Variants in TMEM163 observed in about 807,000 individuals in gnomAD.
TMEM163 encodes transmembrane protein 163.
TMEM163 carries 17 observed loss-of-function variants against 29.3 expected under a neutral mutation model. The observed-to-expected ratio is 0.58, with a 90% confidence interval of 0.40 to 0.87. TMEM163 has a LOEUF of 0.87. TMEM163 is among the 40% of genes least tolerant of loss of function. The pLI, the probability that TMEM163 is intolerant of heterozygous loss-of-function variation, is 0.00. For missense variants in TMEM163, 303 were observed against 381.5 expected, an observed-to-expected ratio of 0.79 and a Z score of 1.71; for synonymous variants, 157 against 160.6, an observed-to-expected ratio of 0.98 and a Z score of 0.17.
chr2:134,592,869 G>GAGATAGATAGATAGATAGATAGATAGAT (rs55925415), intron 2 of TMEM163, among the ~76,000 whole-genome samples: 2,930 of 148,160 alleles, frequency 0.02, 47 homozygotes, highest in Non-Finnish European at 0.025. Context: ...TATTAATATA[G>GAGATAGATAGATAGATAGATAGATAGAT]AGATAGATAG....
chr2:134,521,937 G>A (rs910838752), intron 4 of TMEM163, among the ~76,000 whole-genome samples: 1 of 152,092 alleles, frequency 6.6e-6, no homozygotes, highest in Non-Finnish European at 1.5e-5. Context: ...AAGTTCAAAG[G>A]GTATGAGAAA....
chr2:134,550,335 T>C (rs529975353), intron 4 of TMEM163, among the ~76,000 whole-genome samples: 2 of 152,278 alleles, frequency 1.3e-5, no homozygotes, highest in East Asian at 3.9e-4. Context: ...AGCAAACACA[T>C]ATTCTCAAAA....
intron 2 of TMEM163, among the ~76,000 whole-genome samples, chr2:134,644,433 C>T (rs1384230362): frequency 6.6e-6 from 1 of 152,018 alleles, no homozygotes; most frequent in Non-Finnish European, 1.5e-5. Context: ...GAACAGAGTC[C>T]AAAAACACCC....
chr2:134,526,311 G>C (rs932666509), intron 4 of TMEM163, among the ~76,000 whole-genome samples: 1 of 152,130 alleles, frequency 6.6e-6, no homozygotes, highest in Non-Finnish European at 1.5e-5. Context: ...AACCACCCAA[G>C]GTTAAGTAAA....
At chr2:134,524,148 C>A (rs2106496281) in intron 4 of TMEM163, among the ~76,000 whole-genome samples, 1 of 152,262 alleles carries the variant, frequency 6.6e-6, no homozygotes, top group Non-Finnish European at 1.5e-5. Context: ...CTACAGCCTG[C>A]ATTTGAATAG....
intron 2 of TMEM163, among the ~76,000 whole-genome samples, chr2:134,701,875 G>C (rs533972000): frequency 7.3e-6 from 1 of 137,136 alleles, no homozygotes; most frequent in African/African-American, 2.9e-5. Flanking sequence ...CTGAGATCAC[G>C]CCACTGCACT....
At chr2:134,646,885 T>C (rs1458480466) in intron 2 of TMEM163, among the ~76,000 whole-genome samples, 1 of 152,226 alleles carries the variant, frequency 6.6e-6, no homozygotes, top group Non-Finnish European at 1.5e-5. Context: ...TCATAAACTA[T>C]TCATCCTCAC....
intron 4 of TMEM163, among the ~76,000 whole-genome samples, chr2:134,504,329 C>CA (rs752709989): frequency 6.6e-6 from 1 of 151,388 alleles, no homozygotes; most frequent in Non-Finnish European, 1.5e-5. Flanking sequence ...GAGCAAAACA[C>CA]AAAAAAGAAC....
rs181639364 is a variant in TMEM163 at position 134,619,930 on chromosome 2, C to T, written c.323-67839G>A. On this transcript the variant is annotated intron_variant, in intron 2 of 7. Coordinates refer to ENST00000281924, the MANE Select transcript of TMEM163 (RefSeq NM_030923.5). ...CAAAAATGAAATTAACAATCCCATG[C>T]ACTATGGCTTCAAAAAGAATAAAAC... 7.7e-4 allele frequency among the ~76,000 whole-genome samples: 117 copies of T among 152,240 alleles called. 1 individual carries two copies. Among genetic ancestry groups the T allele is most frequent in the African/African-American group, 1.8e-3 (73 of 41,534 alleles).
chr2:134,576,874 A>G (rs1681566625), intron 2 of TMEM163, among the ~76,000 whole-genome samples: 1 of 152,208 alleles, frequency 6.6e-6, no homozygotes, highest in Admixed American at 6.5e-5. Flanking sequence ...AAACTGAACT[A>G]TTAAACACAG....
intron 5 of TMEM163, among the ~76,000 whole-genome samples, chr2:134,483,684 G>T (rs1679253458): frequency 6.6e-6 from 1 of 152,204 alleles, no homozygotes; most frequent in Non-Finnish European, 1.5e-5. Context: ...AGTCAGAGAT[G>T]CTGGAGGCAT....
chr2:134,508,154 A>T (rs1679868123), intron 4 of TMEM163, among the ~76,000 whole-genome samples: 1 of 152,214 alleles, frequency 6.6e-6, no homozygotes, highest in South Asian at 2.1e-4. Context: ...CCTGTGGCTC[A>T]CATTAAAATT....
intron 2 of TMEM163, among the ~76,000 whole-genome samples, chr2:134,679,528 T>C (rs1394076448): frequency 6.6e-6 from 1 of 152,130 alleles, no homozygotes; most frequent in African/African-American, 2.4e-5. Context: ...ACCAGAGTGA[T>C]AGAAGTGAGC....
chr2:134,494,437 C>T (rs1488086189), intron 5 of TMEM163, among the ~76,000 whole-genome samples: 1 of 152,182 alleles, frequency 6.6e-6, no homozygotes, highest in Non-Finnish European at 1.5e-5. Context: ...GAGGATGAAT[C>T]TTTCTATTGC....
chr2:134,558,431 G>C (rs993644224), intron 2 of TMEM163, among the ~76,000 whole-genome samples: 1 of 152,118 alleles, frequency 6.6e-6, no homozygotes, highest in African/African-American at 2.4e-5. Context: ...ATACAAGTCT[G>C]GTTAAAAGAC....
chr2:134,518,655 C>T (rs779501954), intron 4 of TMEM163, among the ~76,000 whole-genome samples: 12 of 152,288 alleles, frequency 7.9e-5, no homozygotes, highest in South Asian at 2.1e-4. Context: ...CTTTCTAGCA[C>T]GGTCCCAATT....
In TMEM163 at chr2:134,686,612, C is replaced by T. The variant is rs188554375; in HGVS notation, c.322+26588G>A. Among the ~76,000 whole-genome samples, 9 of 152,184 alleles carry T rather than the reference C, an allele frequency of 5.9e-5. 1 individual carries two copies. In the East Asian group the frequency reaches 1.4e-3, roughly 23 times the overall value. On this transcript the variant is annotated intron_variant, in intron 2 of 7. Transcript: ENST00000281924. The stretch of plus-strand genomic sequence containing the variant: ...GGAGGTAGAATCATAGCATGCTACT[C>T]GGCTCATCATGATACAATTTTTATG...
intron 2 of TMEM163, among the ~76,000 whole-genome samples, chr2:134,673,929 CT>C: frequency 6.6e-6 from 1 of 152,322 alleles, no homozygotes. Context: ...CAATAAGAAA[CT>C]AATACAAATT....
intron 2 of TMEM163, among the ~76,000 whole-genome samples, chr2:134,691,708 A>G (rs1245395993): frequency 2.6e-5 from 4 of 152,130 alleles, no homozygotes; most frequent in Non-Finnish European, 5.9e-5. Context: ...TTCCTTGTTT[A>G]CCACTCTGAC....
Sources: gnomAD v4.1 joint callset for allele counts (sites outside exome capture counted in the v4.1 genomes callset) on GRCh38, gnomAD v4.1.1 for gene constraint, MANE v1.5 for transcripts, NCBI Gene and HGNC (gene_info 2026-07-23, HGNC 2026-07-21) for gene names.